TENM2: variants seen among roughly 807,000 people sequenced by gnomAD.
TENM2 encodes the protein teneurin transmembrane protein 2.
TENM2 carries 52 observed loss-of-function variants against 245.2 expected under a neutral mutation model. That is an observed-to-expected ratio of 0.21 (90% CI 0.17 to 0.27). The LOEUF (loss-of-function observed/expected upper bound fraction) is 0.27. TENM2 is among the 10% of genes least tolerant of loss of function. TENM2 has a pLI of 1.00. For synonymous variants in TENM2, 1,363 were observed against 1,438.9 expected (o/e 0.95, Z 1.19); for missense variants, 3,046 against 3,666.8 (o/e 0.83, Z 4.37).
chr5:167,081,300 A>G, the TENM2 span, among the ~76,000 whole-genome samples: 10 of 152,016 alleles, frequency 6.6e-5, no homozygotes, highest in East Asian at 5.8e-4. Flanking sequence ...GATCCAAGGT[A>G]TTGCTTCCTG....
At chr5:167,124,224 A>T in the TENM2 span, among the ~76,000 whole-genome samples, 1 of 152,216 alleles carries the variant, frequency 6.6e-6, no homozygotes, top group Non-Finnish European at 1.5e-5. Flanking sequence ...AAAATTCTAG[A>T]ATTCTAAAAA....
At chr5:167,363,083 A>G (rs1297403602) in intron 1 of TENM2, among the ~76,000 whole-genome samples, 2 of 152,212 alleles carry the variant, frequency 1.3e-5, no homozygotes. Context: ...CACAGCAAGT[A>G]AGAGAACTCT....
the TENM2 span, among the ~76,000 whole-genome samples, chr5:167,112,804 C>T: frequency 7.1e-3 from 1,075 of 152,270 alleles, 14 homozygotes; most frequent in African/African-American, 0.023. Context: ...GCTTTCCTAA[C>T]GGAATATTGG....
chr5:168,158,697 G>A (rs1757411853), intron 12 of TENM2, among the ~76,000 whole-genome samples: 2 of 150,252 alleles, frequency 1.3e-5, no homozygotes, highest in African/African-American at 4.9e-5. Flanking sequence ...CATGCCTGGA[G>A]TGCTGTAATC....
chr5:167,326,654 AAGAATG>A (rs1468458792), intron 1 of TENM2, among the ~76,000 whole-genome samples: 2 of 150,626 alleles, frequency 1.3e-5, no homozygotes, highest in African/African-American at 4.9e-5. Context: ...GTCTGGTGAA[AAGAATG>A]AGACTCCGTC....
At chr5:167,477,565 A>G (rs1767477415) in intron 2 of TENM2, among the ~76,000 whole-genome samples, 1 of 152,158 alleles carries the variant, frequency 6.6e-6, no homozygotes, top group South Asian at 2.1e-4. Flanking sequence ...TGCATTGTTA[A>G]ATGTTGTTAT....
At chr5:167,522,236 T>C (rs1770804440) in intron 2 of TENM2, among the ~76,000 whole-genome samples, 1 of 152,138 alleles carries the variant, frequency 6.6e-6, no homozygotes, top group South Asian at 2.1e-4. Context: ...AAAGTCCTAT[T>C]TGGAGATGGA....
chr5:167,913,620 G>A (rs535825417), intron 3 of TENM2, among the ~76,000 whole-genome samples: 3 of 152,278 alleles, frequency 2.0e-5, no homozygotes, highest in South Asian at 4.2e-4. Context: ...ATCTGAAACC[G>A]AGATAGACAG....
intron 12 of TENM2, among the ~76,000 whole-genome samples, chr5:168,141,700 C>A (rs1755565702): frequency 6.6e-6 from 1 of 152,294 alleles, no homozygotes; most frequent in Non-Finnish European, 1.5e-5. Flanking sequence ...AAAGCCATTT[C>A]TTTATATACC....
intron 2 of TENM2, among the ~76,000 whole-genome samples, chr5:167,471,414 C>T (rs1310228593): frequency 2.0e-5 from 3 of 152,042 alleles, no homozygotes; most frequent in Non-Finnish European, 4.4e-5. Flanking sequence ...AAATAAAAAG[C>T]ATGGTAATGG....
At chr5:167,562,627 A>AGCCTGTG (rs1773666124) in intron 2 of TENM2, among the ~76,000 whole-genome samples, 1 of 152,168 alleles carries the variant, frequency 6.6e-6, no homozygotes, top group Non-Finnish European at 1.5e-5. Flanking sequence ...GAAGTATTCA[A>AGCCTGTG]ATGGAAGCCT....
At chr5:167,445,334 T>TAGGGAGAGAGAGAGAG (rs1380778783) in intron 2 of TENM2, among the ~76,000 whole-genome samples, 4 of 86,324 alleles carry the variant, frequency 4.6e-5, no homozygotes, top group South Asian at 9.3e-4. Context: ...TATATATATA[T>TAGGGAGAGAGAGAGAG]ATAGAGAGAG....
chr5:167,510,230 T>C (rs930071584), intron 2 of TENM2, among the ~76,000 whole-genome samples: 1 of 152,196 alleles, frequency 6.6e-6, no homozygotes, highest in Non-Finnish European at 1.5e-5. Flanking sequence ...TCTCTGAAGT[T>C]TTCAAGTTAG....
intron 1 of TENM2, among the ~76,000 whole-genome samples, chr5:167,372,561 G>A (rs1760502527): frequency 6.6e-6 from 1 of 152,178 alleles, no homozygotes; most frequent in Non-Finnish European, 1.5e-5. Flanking sequence ...ATAATGAGAT[G>A]TGGGAAAACC....
the TENM2 span, among the ~76,000 whole-genome samples, chr5:167,130,611 G>T: frequency 1.3e-5 from 2 of 152,144 alleles, no homozygotes; most frequent in African/African-American, 4.8e-5. Flanking sequence ...TGCCATGTCC[G>T]CCAACACAGC....
chr5:168,090,285 A>G (rs1185769320), intron 7 of TENM2, among the ~76,000 whole-genome samples: 18 of 151,910 alleles, frequency 1.2e-4, no homozygotes, highest in Admixed American at 1.2e-3. Context: ...ACAAACAAAA[A>G]GAAAAAAACT....
intron 2 of TENM2, among the ~76,000 whole-genome samples, chr5:167,849,064 A>G (rs928488405): frequency 3.9e-5 from 6 of 152,214 alleles, no homozygotes; most frequent in Admixed American, 2.6e-4. Context: ...AGCAGTCTCA[A>G]TGGAATAAAA....
chr5:167,567,162 T>C (rs541181346), intron 2 of TENM2, among the ~76,000 whole-genome samples: 55 of 152,288 alleles, frequency 3.6e-4, no homozygotes, highest in African/African-American at 1.3e-3. Context: ...AATTATCTCA[T>C]CTTTACAAAT....
intron 12 of TENM2, chr5:168,130,485 T>C (rs184019491): frequency 2.0e-5 from 3 of 152,346 alleles, no homozygotes; most frequent in Admixed American, 1.3e-4. Flanking sequence ...CAGTTTACTC[T>C]TATGACTAGC....
Sources: allele counts gnomAD v4.1 joint callset (sites outside exome capture counted in the v4.1 genomes callset), GRCh38; gene constraint gnomAD v4.1.1; transcripts MANE v1.5; gene names NCBI Gene and HGNC (gene_info 2026-07-23, HGNC 2026-07-21).